DGKB: variants seen among roughly 807,000 people sequenced by gnomAD.
DGKB encodes the protein diacylglycerol kinase beta, also known as 90 kDa diacylglycerol kinase.
Under a neutral mutation model 114.3 loss-of-function variants are expected in DGKB, and 67 were observed. The ratio of observed to expected loss-of-function variants is 0.59; its 90% CI spans 0.48 to 0.72. The LOEUF (loss-of-function observed/expected upper bound fraction) is 0.72, where lower values mean the gene tolerates loss of function less well. DGKB is among the 30% of genes least tolerant of loss of function. The pLI is 0.00. For missense variants in DGKB, 907 were observed against 975.2 expected (o/e 0.93, Z 0.93); for synonymous variants, 398 against 323.1 (o/e 1.23, Z -2.49).
intron 23 of DGKB, among the ~76,000 whole-genome samples, chr7:14,332,955 G>C (rs576836350): frequency 2.0e-5 from 3 of 152,146 alleles, no homozygotes; most frequent in Non-Finnish European, 2.9e-5. Context: ...AGAAAGTCCA[G>C]CTGCTCCCTT....
chr7:14,699,545 G>T (rs1031713648), intron 7 of DGKB, among the ~76,000 whole-genome samples: 1 of 152,066 alleles, frequency 6.6e-6, no homozygotes, highest in South Asian at 2.1e-4. Flanking sequence ...GTTGTTTGCC[G>T]TATTGCAAAT....
chr7:14,701,668 AG>A lies in DGKB; in HGVS notation c.516+12del, dbSNP rs1825205309. 2 of 1,596,174 alleles carry A rather than the reference AG, an allele frequency of 1.3e-6. No individual in the cohort carries two copies. The highest frequency in any genetic ancestry group is 1.7e-6 in the Non-Finnish European group (2 of 1,164,496). On this transcript the variant is annotated intron_variant, in intron 7 of 25. Transcript: ENST00000402815. ...TTTGAAGTTTTCACAGAAACTTTGA[AG>A]AAAAAAATTACCGAGCTGTCCAGGA...
chr7:14,377,342 T>C (rs914877847), intron 21 of DGKB, among the ~76,000 whole-genome samples: 4 of 152,240 alleles, frequency 2.6e-5, no homozygotes, highest in Non-Finnish European at 4.4e-5. Context: ...TCATATCTAT[T>C]ATAATGTACT....
At chr7:14,912,198 G>C (rs1305919883) in intron 1 of DGKB, among the ~76,000 whole-genome samples, 1 of 152,104 alleles carries the variant, frequency 6.6e-6, no homozygotes, top group African/African-American at 2.4e-5. Flanking sequence ...AAAGCTGTTG[G>C]AGGTGATAAA....
intron 25 of DGKB, among the ~76,000 whole-genome samples, chr7:14,172,605 T>C (rs1781164640): frequency 6.6e-6 from 1 of 152,042 alleles, no homozygotes; most frequent in African/African-American, 2.4e-5. Context: ...GAGGGAAGAA[T>C]CGCAGATCTA....
At chr7:14,228,574 T>C (rs981351904) in intron 23 of DGKB, among the ~76,000 whole-genome samples, 1 of 151,912 alleles carries the variant, frequency 6.6e-6, no homozygotes, top group African/African-American at 2.4e-5. Flanking sequence ...AGTACAGCGC[T>C]ACACTGGCTG....
intron 1 of DGKB, among the ~76,000 whole-genome samples, chr7:14,879,696 A>G (rs1477597579): frequency 6.6e-6 from 1 of 152,180 alleles, no homozygotes; most frequent in Non-Finnish European, 1.5e-5. Context: ...TTTAGTTGGG[A>G]AGAATAATCA....
chr7:14,283,908 A>T (rs889490107), intron 23 of DGKB, among the ~76,000 whole-genome samples: 1 of 152,158 alleles, frequency 6.6e-6, no homozygotes, highest in African/African-American at 2.4e-5. Flanking sequence ...AACCATAAAA[A>T]CCATAGAAGA....
intron 23 of DGKB, among the ~76,000 whole-genome samples, chr7:14,293,492 A>T (rs183671476): frequency 5.5e-4 from 83 of 152,112 alleles, no homozygotes; most frequent in African/African-American, 1.8e-3. Flanking sequence ...ATTGTTATTT[A>T]AAAAAAACCA....
intron 2 of DGKB, among the ~76,000 whole-genome samples, chr7:14,768,039 A>C (rs1836731422): frequency 6.6e-6 from 1 of 151,992 alleles, no homozygotes; most frequent in African/African-American, 2.4e-5. Context: ...CAACAAACAC[A>C]ATATTAGGCA....
chr7:14,255,852 T>C (rs1056791257), intron 23 of DGKB, among the ~76,000 whole-genome samples: 1 of 152,310 alleles, frequency 6.6e-6, no homozygotes, highest in African/African-American at 2.4e-5. Flanking sequence ...GCAATCAGGC[T>C]TTGAGCATGT....
chr7:14,578,064 G>T (rs530734515), intron 19 of DGKB, among the ~76,000 whole-genome samples: 6 of 152,306 alleles, frequency 3.9e-5, no homozygotes, highest in South Asian at 2.1e-4. Flanking sequence ...CATGAGGGTT[G>T]TTTCCTCCAT....
At chr7:14,420,321 G>A (rs1191412090) in intron 21 of DGKB, among the ~76,000 whole-genome samples, 4 of 151,848 alleles carry the variant, frequency 2.6e-5, no homozygotes, top group Non-Finnish European at 1.5e-5. Context: ...ATTTTGTGAA[G>A]TTCTCTTGTC....
chr7:14,177,012 C>A, intron 24 of DGKB, 113 bp from the exon 25 acceptor site: 7 of 1,159,778 alleles, frequency 6.0e-6, no homozygotes, highest in South Asian at 1.5e-5. Flanking sequence ...TAGTTGGGCT[C>A]TAAATTTATC....
chr7:14,840,215 G>A (rs557768711), intron 2 of DGKB, among the ~76,000 whole-genome samples: 8 of 152,082 alleles, frequency 5.3e-5, no homozygotes, highest in Admixed American at 2.0e-4. Flanking sequence ...TCACTATCAC[G>A]TGCTGTTTGG....
chr7:14,900,499 CG>C (rs1782842736), intron 1 of DGKB, among the ~76,000 whole-genome samples: 1 of 152,024 alleles, frequency 6.6e-6, no homozygotes, highest in African/African-American at 2.4e-5. Context: ...ACATCATAGT[CG>C]TTATCAGTAG....
chr7:14,680,608 A>C (rs1489340267), intron 12 of DGKB, among the ~76,000 whole-genome samples: 3 of 151,980 alleles, frequency 2.0e-5, no homozygotes, highest in African/African-American at 7.2e-5. Context: ...CCATGAGGAA[A>C]ACAAAATGGA....
At chr7:14,697,787 AAAGG>A (rs369037694) in intron 8 of DGKB, among the ~76,000 whole-genome samples, 93 of 149,052 alleles carry the variant, frequency 6.2e-4, no homozygotes, top group Middle Eastern at 6.8e-3. Flanking sequence ...AGAAAGAAAG[AAAGG>A]AAGGAAGGAA....
intron 20 of DGKB, among the ~76,000 whole-genome samples, chr7:14,491,362 C>T (rs1784574793): frequency 1.3e-5 from 2 of 152,138 alleles, no homozygotes; most frequent in South Asian, 4.1e-4. Context: ...TACCTTCTGT[C>T]ATGATTGTGA....
Sources: allele counts gnomAD v4.1 joint callset (sites outside exome capture counted in the v4.1 genomes callset), GRCh38; gene constraint gnomAD v4.1.1; transcripts MANE v1.5; gene names NCBI Gene and HGNC (gene_info 2026-07-23, HGNC 2026-07-21).